Variants in ZNF133 observed in about 807,000 individuals in gnomAD.
The protein encoded by ZNF133 is zinc finger protein 133 (clone pHZ-13).
In ZNF133, 26 loss-of-function variants were observed where a neutral mutation model predicts 54.9. That is an observed-to-expected ratio of 0.47 (90% CI 0.35 to 0.66). The LOEUF (loss-of-function observed/expected upper bound fraction) is 0.66. Ranked by LOEUF, ZNF133 falls within the 30% of genes least tolerant of loss-of-function variation. The probability of loss-of-function intolerance (pLI) is 0.01; values close to 1 mark genes in which losing one functional copy is unlikely to be tolerated. For missense variants in ZNF133, 653 were observed against 820.8 expected (o/e 0.80, Z 2.50); for synonymous variants, 298 against 320.3 (o/e 0.93, Z 0.74).
chr20:18,297,568 T>A (rs1260187570), intron 1 of ZNF133, among the ~76,000 whole-genome samples: 1 of 152,010 alleles, frequency 6.6e-6, no homozygotes, highest in African/African-American at 2.4e-5. Flanking sequence ...ATTGTTTGGA[T>A]TCTCATTTTC....
chr20:18,299,762 C>T (rs1034120280), intron 3 of ZNF133, among the ~76,000 whole-genome samples: 4 of 152,106 alleles, frequency 2.6e-5, no homozygotes, highest in African/African-American at 7.2e-5. Context: ...AAAAACCTCT[C>T]GGGCCAGACG....
intron 6 of ZNF133, among the ~76,000 whole-genome samples, chr20:18,312,031 T>C (rs1308533885): frequency 6.6e-6 from 1 of 152,240 alleles, no homozygotes; most frequent in Non-Finnish European, 1.5e-5. Flanking sequence ...TTGGTTGGTT[T>C]GCATTTTGGA....
rs1460149427 is a variant in ZNF133 at position 18,305,677 on chromosome 20, A to G, written c.-6-4A>G. 1 of 1,614,104 alleles carries G rather than the reference A, an allele frequency of 6.2e-7. No individual in the cohort carries two copies. Among genetic ancestry groups the G allele is most frequent in the East Asian group, 2.2e-5 (1 of 44,868 alleles). ...AGTGAGCAGGGCTCAGTTTTGTGTT[A>G]CAGGCACACATGGCATTCAGGGATG... is the stretch of plus-strand genomic sequence containing the variant. On this transcript the variant is annotated splice_polypyrimidine_tract_variant and splice_region_variant and intron_variant, in intron 4 of 6. Coordinates refer to ENST00000425686, the MANE Select transcript of ZNF133 (RefSeq NM_001352452.2). The surrounding 1 kb of genome is among the most constrained non-coding windows in gnomAD (Gnocchi z 4.7).
intron 6 of ZNF133, chr20:18,314,214 T>G (rs564619142): frequency 5.9e-5 from 9 of 152,226 alleles, no homozygotes; most frequent in Admixed American, 4.6e-4. Context: ...TTCGGGTAGA[T>G]CCATCGAGAT....
intron 3 of ZNF133, among the ~76,000 whole-genome samples, chr20:18,304,564 T>TA (rs2147389048): frequency 6.6e-6 from 1 of 152,330 alleles, no homozygotes; most frequent in East Asian, 1.9e-4. Context: ...AACAAGGAAG[T>TA]AAATTCTGAG....
Position 18,306,366 on chromosome 20 carries a change from A to G in ZNF133, c.190A>G (p.Lys64Glu), listed in dbSNP as rs1251243075. Residue 64 changes from lysine (K) to glutamate (E), a missense_variant, in exon 6 of 7, where the codon AAA (lysine) becomes GAA (glutamate). This residue lies in a region of ZNF133 where 227 missense variants were observed against 233.9 expected (regional missense o/e 0.97). Transcript: ENST00000425686. ...EQGKETWREE[K>E]KCSPATCPAD... ...AGGGAAAGAGACCTGGAGAGAGGAA[A>G]AAAAATGTTCACCGGCAACCTGTCC... is the stretch of plus-strand genomic sequence containing the variant. The G allele has an allele frequency of 6.2e-7, 1 of 1,613,904 alleles. No homozygotes were observed. Among genetic ancestry groups the G allele is most frequent in the Admixed American group, 1.7e-5 (1 of 59,944 alleles).
chr20:18,288,571 G>A lies in ZNF133; in HGVS notation c.-465G>A, dbSNP rs2040157508. On this transcript the variant is annotated 5_prime_UTR_variant, in exon 1 of 7. Coordinates refer to ENST00000425686, the MANE Select transcript of ZNF133 (RefSeq NM_001352452.2). ...CCGCTGGAGGAGCTCCCCAGCTGGTGGCTGGAGCGACCCCTTGTTCTTTGG... is the reference window on the plus strand; with the variant it reads ...CCGCTGGAGGAGCTCCCCAGCTGGTAGCTGGAGCGACCCCTTGTTCTTTGG... The A allele has an allele frequency of 2.5e-6, 1 of 398,588 alleles. No individual in the cohort carries two copies. Among genetic ancestry groups the A allele is most frequent in the South Asian group, 1.3e-4 (1 of 7,870 alleles). 24.7% of individuals were successfully genotyped at this position (398,588 alleles called of 1,614,324 possible). A position where few individuals can be genotyped will look rare whatever the true frequency, so the allele number is the denominator to read the frequency against.
intron 2 of ZNF133, 108 bp downstream of exon 2, chr20:18,298,170 T>G: frequency 1.3e-6 from 2 of 1,524,098 alleles, no homozygotes; most frequent in Non-Finnish European, 1.8e-6. Context: ...CAATTCCTCT[T>G]ACTTGCTCCC....
intron 1 of ZNF133, among the ~76,000 whole-genome samples, chr20:18,296,082 C>T (rs1397742046): frequency 6.6e-6 from 1 of 152,124 alleles, no homozygotes; most frequent in African/African-American, 2.4e-5. Flanking sequence ...CTTTCTTCTT[C>T]TCCTGTGTCT....
In ZNF133 at chr20:18,305,805, T is replaced by C. The variant is rs200354196; in HGVS notation, c.119T>C (p.Leu40Pro). The C allele has an allele frequency of 6.2e-7, 1 of 1,610,482 alleles. No homozygotes were observed. Among genetic ancestry groups the C allele is most frequent in the Non-Finnish European group, 8.5e-7 (1 of 1,178,364 alleles). ...GAGAACTACAGCAACCTGGTCTCAC[T>C]GGGTAAGCCTGATATCTGTTAGGAT... Reference protein sequence around the residue: ...MLENYSNLVSLGISFSKPELI... With the variant: ...MLENYSNLVSPGISFSKPELI... Residue 40 changes from leucine (L) to proline (P), a missense_variant and splice_region_variant, in exon 5 of 7, where the codon CTG (leucine) becomes CCG (proline). Leu to Pro is a moderately conservative substitution (Grantham distance 98). Around this residue, in one of 4 missense-constraint regions of ZNF133, gnomAD observed 227 missense variants for 233.9 expected, o/e 0.97. Transcript: ENST00000425686. This position sits in a 1 kb window ranked among gnomAD's most constrained non-coding sequence, Gnocchi z 4.7.
At chr20:18,310,748 T>A (rs1007877358) in intron 6 of ZNF133, among the ~76,000 whole-genome samples, 1 of 151,978 alleles carries the variant, frequency 6.6e-6, no homozygotes, top group African/African-American at 2.4e-5. Context: ...TCACTAAGAG[T>A]AGATTTTGGG....
At chr20:18,304,947 A>AT (rs2044268925) in intron 3 of ZNF133, 61 bp from the exon 4 acceptor site, 1 of 960,966 alleles carries the variant, frequency 1.0e-6, no homozygotes, top group Non-Finnish European at 1.2e-6. Context: ...ATTCCAACCC[A>AT]TTCTCCAAGA....
chr20:18,304,870 C>A, intron 3 of ZNF133, 138 bp from the exon 4 acceptor site: 1 of 525,680 alleles, frequency 1.9e-6, no homozygotes, highest in Non-Finnish European at 2.4e-6. Context: ...TTCCTTTGCT[C>A]ATAATGTCCT....
At chr20:18,300,001 T>TA (rs1481595583) in intron 3 of ZNF133, among the ~76,000 whole-genome samples, 1 of 152,108 alleles carries the variant, frequency 6.6e-6, no homozygotes, top group African/African-American at 2.4e-5. Flanking sequence ...TGAAGCCATA[T>TA]AAAAAAATTA....
chr20:18,306,135 G>C, intron 5 of ZNF133, 163 bp from the exon 6 acceptor site: 2 of 655,268 alleles, frequency 3.1e-6, no homozygotes, highest in Non-Finnish European at 5.2e-6. Flanking sequence ...TCTCATCTGA[G>C]TTCACTGCCC....
At position 18,305,767 on chromosome 20, in the gene ZNF133, A is replaced by G. The variant is rs766926977; in HGVS notation, c.81A>G (p.Arg27=). 6.2e-7 allele frequency: 1 copy of G among 1,614,090 alleles called. No individual in the cohort carries two copies. Among genetic ancestry groups the G allele is most frequent in the Non-Finnish European group, 8.5e-7 (1 of 1,179,968 alleles). ...LLSPAQRTLY[R]EVMLENYSNL... ...GCCCTGCTCAAAGGACTCTGTACAG[A>G]GAGGTGATGCTGGAGAACTACAGCA... The change falls in exon 5 of 7, where the codon AGA becomes AGG. Residue 27 remains arginine (R), a synonymous_variant. Transcript: ENST00000425686. This position sits in a 1 kb window ranked among gnomAD's most constrained non-coding sequence, Gnocchi z 4.7.
intron 5 of ZNF133, 22 bp from the exon 6 acceptor site, chr20:18,306,276 T>TA: frequency 6.2e-7 from 1 of 1,606,462 alleles, no homozygotes; most frequent in Non-Finnish European, 8.5e-7. Context: ...CCTAGTTACT[T>TA]ATTTTCTTTT....
intron 6 of ZNF133, chr20:18,313,279 A>G (rs1313672877): frequency 6.6e-6 from 1 of 152,228 alleles, no homozygotes; most frequent in African/African-American, 2.4e-5. Flanking sequence ...ACTCCATACA[A>G]ATGTTAAAAC....
In ZNF133 at chr20:18,315,387, A is replaced by G. The variant is rs1454088668; in HGVS notation, c.536A>G (p.Asn179Ser). 4 of 1,614,184 alleles carry G rather than the reference A, an allele frequency of 2.5e-6. No individual in the cohort carries two copies. The highest frequency in any genetic ancestry group is 3.4e-6 in the Non-Finnish European group (4 of 1,180,032). The change falls in exon 7 of 7, where the codon AAC becomes AGC. Residue 179 changes from asparagine (N) to serine (S), a missense_variant. Physicochemically the swap from Asn to Ser is conservative, Grantham distance 46. This residue lies in a region of ZNF133 where 227 missense variants were observed against 233.9 expected (regional missense o/e 0.97). Coordinates refer to ENST00000425686, the MANE Select transcript of ZNF133 (RefSeq NM_001352452.2). ...PPQRQPVSSR[N>S]GLRGVELEAS... ...CAGAGGCAGCCAGTCAGCTCTCGGA[A>G]CGGCCTCAGAGGGGTGGAGTTAGAA...
Sources: gnomAD v4.1 joint callset for allele counts (sites outside exome capture counted in the v4.1 genomes callset) on GRCh38, gnomAD v4.1.1 for gene constraint, gnomAD v4.1.1 regional missense constraint, Gnocchi (gnomAD v3.1) non-coding constraint, MANE v1.5 for transcripts, NCBI Gene and HGNC (gene_info 2026-07-23, HGNC 2026-07-21) for gene names.